MGAT5B: variants seen among roughly 807,000 people sequenced by gnomAD.
MGAT5B encodes the protein N-acetylglucosaminyl-transferase Vb.
Under a neutral mutation model 95.1 loss-of-function variants are expected in MGAT5B, and 54 were observed. The ratio of observed to expected loss-of-function variants is 0.57; its 90% CI spans 0.46 to 0.71. The LOEUF (loss-of-function observed/expected upper bound fraction) is 0.71. Among genes scored for constraint, MGAT5B ranks in the 30% least tolerant of loss-of-function variants. The pLI is 0.00. For synonymous variants in MGAT5B, 464 were observed against 451.0 expected, an observed-to-expected ratio of 1.03 and a Z score of -0.36; for missense variants, 935 against 1,088.6, an observed-to-expected ratio of 0.86 and a Z score of 1.99.
Position 76,868,874 on chromosome 17 carries a change from G to A in MGAT5B, c.-156G>A, listed in dbSNP as rs1598876084. 1 of 580,868 alleles carries A rather than the reference G, an allele frequency of 1.7e-6. No individual in the cohort carries two copies. The highest frequency in any genetic ancestry group is 3.7e-5 in the East Asian group (1 of 27,026). The allele number at this position is 580,868 out of a possible 1,614,324, so 36.0% of individuals were successfully genotyped here. ...CGCCGCTCCCTCCGCTGCACGCCCA[G>A]GCCTGAGCAGCGAGGCCACCGGGCC... On this transcript the variant is annotated 5_prime_UTR_variant, in exon 1 of 18. Transcript: ENST00000569840. This position sits in a 1 kb window ranked among gnomAD's most constrained non-coding sequence, Gnocchi z 6.3.
At chr17:76,872,734 C>T (rs750567062) in intron 1 of MGAT5B, 117 bp from the exon 2 acceptor site, 2 of 1,578,722 alleles carry the variant, frequency 1.3e-6, no homozygotes, top group Non-Finnish European at 8.6e-7. Flanking sequence ...TTCATTCTCC[C>T]TTGCTTCCTT....
chr17:76,875,295 T>G (rs1029585783), intron 2 of MGAT5B, among the ~76,000 whole-genome samples: 26 of 152,184 alleles, frequency 1.7e-4, no homozygotes, highest in Admixed American at 1.7e-3. Context: ...AATTGATTCA[T>G]GGGGGTGGTT....
intron 3 of MGAT5B, among the ~76,000 whole-genome samples, chr17:76,892,932 G>A (rs931379846): frequency 7.9e-5 from 12 of 152,132 alleles, no homozygotes; most frequent in African/African-American, 2.4e-4. Context: ...GTGGCCCAAG[G>A]CCCCAGGTAG....
rs1479292784 is a variant in MGAT5B at position 76,926,552 on chromosome 17, A to C, written c.1158-45A>C. ...TGGGGCAACTTCAGCCCAGGGACAC[A>C]CGGGGAGGTTGCTGACCCTGGTTCC... On this transcript the variant is annotated intron_variant, in intron 9 of 17. Transcript: ENST00000569840. 3.2e-6 allele frequency: 5 copies of C among 1,572,426 alleles called. No homozygotes were observed. The South Asian group carries it at 3.6e-5, about 11-fold the overall frequency.
rs1340925435 is a variant in MGAT5B, at chr17:76,938,415, C to T, written c.1584+272C>T. Among the ~76,000 whole-genome samples the T allele has an allele frequency of 6.6e-6, 1 of 152,212 alleles. No homozygotes were observed. Among genetic ancestry groups the T allele is most frequent in the Non-Finnish European group, 1.5e-5 (1 of 68,022 alleles). On this transcript the variant is annotated intron_variant, in intron 13 of 17. Coordinates refer to ENST00000569840, the MANE Select transcript of MGAT5B (RefSeq NM_001199172.2). This position sits in a 1 kb window ranked among gnomAD's most constrained non-coding sequence, Gnocchi z 4.3. ...GATGGGGAAGTAGAGTTGGACTGCC[C>T]ATCCTCCCCCTTGCAGTACCAGTCC...
At position 76,938,740 on chromosome 17, in the gene MGAT5B, G is replaced by A. The variant is rs1567824463; in HGVS notation, c.1584+597G>A. On this transcript the variant is annotated intron_variant, in intron 13 of 17. Transcript: ENST00000569840. This position sits in a 1 kb window ranked among gnomAD's most constrained non-coding sequence, Gnocchi z 4.3. ...GTCACCCACGCTGGAGTGCAGTGGT[G>A]CAATCAGGGCCCACTGCAACCTTAT... 6.6e-6 allele frequency among the ~76,000 whole-genome samples: 1 copy of A among 152,236 alleles called. No homozygotes were observed. Among genetic ancestry groups the A allele is most frequent in the East Asian group, 1.9e-4 (1 of 5,172 alleles).
At position 76,933,287 on chromosome 17, in the gene MGAT5B, G is replaced by A. The variant is rs1178574737; in HGVS notation, c.1423-5G>A. ...TTCCTTGTGCTCCCCCTGGCCACGA[G>A]GCAGCTCCAGGTATGGAAACCGCTT... On this transcript the variant is annotated splice_polypyrimidine_tract_variant and splice_region_variant and intron_variant, in intron 11 of 17. Coordinates refer to ENST00000569840, the MANE Select transcript of MGAT5B (RefSeq NM_001199172.2). The A allele has an allele frequency of 1.9e-6, 3 of 1,598,232 alleles. No individual in the cohort carries two copies. In the African/African-American group the frequency reaches 4.0e-5, roughly 21 times the overall value.
At chr17:76,874,578 G>C (rs1317449999) in intron 2 of MGAT5B, among the ~76,000 whole-genome samples, 1 of 152,152 alleles carries the variant, frequency 6.6e-6, no homozygotes, top group Non-Finnish European at 1.5e-5. Flanking sequence ...CAGAGGCCTT[G>C]AGGAAGTTGA....
intron 3 of MGAT5B, among the ~76,000 whole-genome samples, chr17:76,883,143 G>C (rs187752106): frequency 6.6e-6 from 1 of 152,102 alleles, no homozygotes; most frequent in Non-Finnish European, 1.5e-5. Context: ...GATTATAGGA[G>C]AGCACCACCA....
At chr17:76,925,243 C>CCCGTCCCCCCTCCCCGTCCCCTCCCT in intron 9 of MGAT5B, 146 bp downstream of exon 9, 1 of 11,732 alleles carries the variant, frequency 8.5e-5, no homozygotes, top group Admixed American at 8.9e-4. Context: ...CCGCCCTCCC[C>CCCGTCCCCCCTCCCCGTCCCCTCCCT]TCCCCTCCCC....
intron 2 of MGAT5B, among the ~76,000 whole-genome samples, chr17:76,878,726 T>G (rs1967290369): frequency 6.6e-6 from 1 of 152,234 alleles, no homozygotes; most frequent in Non-Finnish European, 1.5e-5. Context: ...CCATCCACCT[T>G]GGCCTCCCCA....
chr17:76,918,630 CA>C lies in MGAT5B; in HGVS notation c.1026-6335del, dbSNP rs1388404053. ...TTCTTTCTGCCCCCATCTGGTCTGTCAGGGACCAGACAGTGGCCTGTTGTGG... is the reference window on the plus strand; with the variant it reads ...TTCTTTCTGCCCCCATCTGGTCTGTCGGGACCAGACAGTGGCCTGTTGTGG... On this transcript the variant is annotated intron_variant, in intron 8 of 17. Transcript: ENST00000569840. The surrounding 1 kb of genome is among the most constrained non-coding windows in gnomAD (Gnocchi z 5.1). Among the ~76,000 whole-genome samples the C allele has an allele frequency of 6.6e-6, 1 of 152,192 alleles. No individual in the cohort carries two copies. The highest frequency in any genetic ancestry group is 1.9e-4 in the East Asian group (1 of 5,194).
intron 8 of MGAT5B, among the ~76,000 whole-genome samples, chr17:76,910,017 G>A (rs1341749857): frequency 6.6e-6 from 1 of 152,118 alleles, no homozygotes; most frequent in African/African-American, 2.4e-5. Flanking sequence ...AGTCGGGGGC[G>A]GGCTCTGGGG....
chr17:76,909,026 C>T (rs8080716), intron 8 of MGAT5B, among the ~76,000 whole-genome samples: 161 of 152,100 alleles, frequency 1.1e-3, no homozygotes, highest in African/African-American at 3.6e-3. Context: ...ATGCTGGTCT[C>T]GAACTCCTGA....
At chr17:76,887,998 C>A (rs1264489846) in intron 3 of MGAT5B, among the ~76,000 whole-genome samples, 2 of 152,142 alleles carry the variant, frequency 1.3e-5, no homozygotes, top group Admixed American at 1.3e-4. Context: ...CCCTCTGGCT[C>A]CTCCTGCTGG....
intron 3 of MGAT5B, 146 bp downstream of exon 3, chr17:76,882,444 C>T (rs1967463877): frequency 1.1e-6 from 1 of 937,372 alleles, no homozygotes; most frequent in Middle Eastern, 3.6e-4. Context: ...ATTTCTACCA[C>T]CCAAATTTAA....
chr17:76,878,223 G>C (rs1056577125), intron 2 of MGAT5B, among the ~76,000 whole-genome samples: 6 of 152,138 alleles, frequency 3.9e-5, no homozygotes, highest in African/African-American at 1.4e-4. Context: ...CATTTCCAGA[G>C]CACAAAATGT....
chr17:76,925,372 A>G (rs1253264558), intron 9 of MGAT5B, among the ~76,000 whole-genome samples: 3 of 145,426 alleles, frequency 2.1e-5, no homozygotes, highest in Non-Finnish European at 4.5e-5. Context: ...GGTCATCTAC[A>G]TGGAGCGGAG....
rs188503887 is a variant in MGAT5B, at chr17:76,923,877, G to A, written c.1026-1089G>A. On this transcript the variant is annotated intron_variant, in intron 8 of 17. Coordinates refer to ENST00000569840, the MANE Select transcript of MGAT5B (RefSeq NM_001199172.2). The stretch of plus-strand genomic sequence containing the variant: ...GGTTCTGCATGCATTCTGAGCTCCC[G>A]GGCGTCCTCCTCTGGTGGAGTGGGG... 1.2e-4 allele frequency: 18 copies of A among 152,306 alleles called. No homozygotes were observed. The East Asian group carries it at 1.5e-3, about 13-fold the overall frequency. The allele number at this position is 152,306 out of a possible 1,614,324, so 9.4% of individuals were successfully genotyped here.
Sources: gnomAD v4.1 joint callset for allele counts (sites outside exome capture counted in the v4.1 genomes callset) on GRCh38, gnomAD v4.1.1 for gene constraint, Gnocchi (gnomAD v3.1) non-coding constraint, MANE v1.5 for transcripts, NCBI Gene and HGNC (gene_info 2026-07-23, HGNC 2026-07-21) for gene names.